Variants in PCDH15 observed in about 807,000 individuals in gnomAD.
PCDH15 encodes the protein protocadherin-15.
Under a neutral mutation model 178.5 loss-of-function variants are expected in PCDH15, and 129 were observed. That is an observed-to-expected ratio of 0.72 (90% confidence interval 0.63 to 0.84). The LOEUF (loss-of-function observed/expected upper bound fraction) is 0.84, where lower values mean the gene tolerates loss of function less well. Among genes scored for constraint, PCDH15 ranks in the 40% least tolerant of loss-of-function variants. PCDH15 has a pLI of 0.00. For synonymous variants in PCDH15, 800 were observed against 732.0 expected (o/e 1.09, Z -1.50); for missense variants, 2,230 against 2,099.9 (o/e 1.06, Z -1.21).
In PCDH15 at chr10:54,026,760, C is replaced by A. The variant is rs779756220; in HGVS notation, c.2221-3563G>T. ...AACGACACTTCATGCTAAAAACTCT[C>A]AATAAATTAGGTATTGATGGGACTT... is the stretch of plus-strand genomic sequence containing the variant. On this transcript the variant is annotated intron_variant, in intron 18 of 37. Coordinates refer to ENST00000644397, the MANE Select transcript of PCDH15 (RefSeq NM_001384140.1). Among the ~76,000 whole-genome samples, 3 of 152,282 alleles carry A rather than the reference C, an allele frequency of 2.0e-5. 1 individual carries two copies. Among genetic ancestry groups the A allele is most frequent in the Non-Finnish European group, 4.4e-5 (3 of 68,030 alleles).
At chr10:54,508,806 T>C (rs1406968743) in intron 3 of PCDH15, among the ~76,000 whole-genome samples, 3 of 152,058 alleles carry the variant, frequency 2.0e-5, no homozygotes, top group Non-Finnish European at 4.4e-5. Context: ...CTGGTACAGG[T>C]TGAGTAACCC....
At chr10:53,866,544 C>A (rs2079465589) in intron 27 of PCDH15, 98 bp downstream of exon 27, 1 of 870,486 alleles carries the variant, frequency 1.1e-6, no homozygotes, top group Admixed American at 2.0e-5. Context: ...TTTTTGAAAA[C>A]CCGTTTTAAA....
At chr10:55,427,334 T>A (rs75874983) in intron 2 of PCDH15, among the ~76,000 whole-genome samples, 1,533 of 152,236 alleles carry the variant, frequency 0.01, 33 homozygotes, top group Admixed American at 0.051. Context: ...AAGAACACAA[T>A]GTTATAAGGG....
intron 2 of PCDH15, among the ~76,000 whole-genome samples, chr10:55,570,177 G>A (rs1211905458): frequency 1.3e-5 from 2 of 151,826 alleles, no homozygotes; most frequent in African/African-American, 2.4e-5. Context: ...ATTTCATGTT[G>A]CATTTTTTGA....
rs2132340536 is a variant in PCDH15 at position 53,803,531 on chromosome 10, C to T, written c.*3048G>A. On this transcript the variant is annotated 3_prime_UTR_variant, in exon 38 of 38. Coordinates refer to ENST00000644397, the MANE Select transcript of PCDH15 (RefSeq NM_001384140.1). ...GTAAAATAACATGAATGACATATCACATATAAAATTCAAGGCAAACTTTCT... is the reference window on the plus strand; with the variant it reads ...GTAAAATAACATGAATGACATATCATATATAAAATTCAAGGCAAACTTTCT... The T allele has an allele frequency of 1.3e-5, 2 of 152,056 alleles. No individual in the cohort carries two copies. The highest frequency in any genetic ancestry group is 2.9e-5 in the Non-Finnish European group (2 of 67,898). The allele number at this position is 152,056 out of a possible 1,614,324, so 9.4% of individuals were successfully genotyped here. A position where few individuals can be genotyped will look rare whatever the true frequency, so the allele number is the denominator to read the frequency against.
At chr10:54,522,087 C>CAAAAAAAAAAAAAAAAAAAAAAAAAAAA in intron 3 of PCDH15, among the ~76,000 whole-genome samples, 1 of 58,892 alleles carries the variant, frequency 1.7e-5, no homozygotes, top group Non-Finnish European at 3.2e-5. Context: ...GAATCCATCT[C>CAAAAAAAAAAAAAAAAAAAAAAAAAAAA]AAAAAAAAAA....
Position 53,823,178 on chromosome 10 carries a change from T to G in PCDH15, c.4368-2948A>C. Reference sequence around the variant, plus strand: ...GGGCACTTAAGTCATCCTCATCAGATAGAAATGTGAATTTTCTTGCAGACT... The same window carrying G: ...GGGCACTTAAGTCATCCTCATCAGAGAGAAATGTGAATTTTCTTGCAGACT... On this transcript the variant is annotated intron_variant, in intron 32 of 37. Coordinates refer to ENST00000644397, the MANE Select transcript of PCDH15 (RefSeq NM_001384140.1). The G allele has an allele frequency of 6.2e-7, 1 of 1,614,072 alleles. No individual in the cohort carries two copies.
At chr10:54,077,142 C>T (rs2094355763) in intron 17 of PCDH15, among the ~76,000 whole-genome samples, 1 of 151,998 alleles carries the variant, frequency 6.6e-6, no homozygotes, top group Non-Finnish European at 1.5e-5. Context: ...AATCTAAATG[C>T]TTTCTACTCT....
At chr10:54,290,371 G>A (rs1345890637) in intron 8 of PCDH15, among the ~76,000 whole-genome samples, 5 of 152,154 alleles carry the variant, frequency 3.3e-5, no homozygotes, top group Non-Finnish European at 7.3e-5. Context: ...CACCAGGCCT[G>A]CCTTACAAGA....
At chr10:54,910,582 T>C (rs1200329562) in intron 2 of PCDH15, among the ~76,000 whole-genome samples, 1 of 152,118 alleles carries the variant, frequency 6.6e-6, no homozygotes, top group Non-Finnish European at 1.5e-5. Flanking sequence ...CTGTGCACAA[T>C]ATATTAATCC....
At chr10:55,425,035 A>C (rs1356914774) in intron 2 of PCDH15, among the ~76,000 whole-genome samples, 1 of 152,068 alleles carries the variant, frequency 6.6e-6, no homozygotes, top group Non-Finnish European at 1.5e-5. Flanking sequence ...AGGGGATATT[A>C]TTAAATTGAA....
intron 2 of PCDH15, among the ~76,000 whole-genome samples, chr10:55,105,764 T>G (rs1242992541): frequency 6.6e-6 from 1 of 152,118 alleles, no homozygotes; most frequent in Non-Finnish European, 1.5e-5. Flanking sequence ...TTTACCTGCA[T>G]GTGTAACAAT....
intron 18 of PCDH15, among the ~76,000 whole-genome samples, chr10:54,065,169 T>G (rs930560765): frequency 2.6e-5 from 4 of 152,176 alleles, no homozygotes; most frequent in African/African-American, 9.7e-5. Context: ...TGGCCAACAT[T>G]GCAGCTAATT....
chr10:55,303,932 C>T (rs115847474), intron 1 of PCDH15, among the ~76,000 whole-genome samples: 1,606 of 152,218 alleles, frequency 0.011, 30 homozygotes, highest in African/African-American at 0.036. Flanking sequence ...TGTTGCATAG[C>T]ATTAATTTTG....
intron 2 of PCDH15, among the ~76,000 whole-genome samples, chr10:55,381,341 A>T (rs1333715354): frequency 1.3e-5 from 2 of 152,188 alleles, no homozygotes; most frequent in Admixed American, 6.5e-5. Context: ...GAAACCAAAA[A>T]TAAATGTGGT....
intron 8 of PCDH15, among the ~76,000 whole-genome samples, chr10:54,287,644 C>T (rs1302082609): frequency 1.3e-5 from 2 of 152,008 alleles, no homozygotes; most frequent in Non-Finnish European, 2.9e-5. Flanking sequence ...TATGACAGGA[C>T]TATTTAAAGC....
chr10:55,066,295 T>A (rs916129468), intron 2 of PCDH15, among the ~76,000 whole-genome samples: 36 of 151,284 alleles, frequency 2.4e-4, no homozygotes, highest in African/African-American at 8.7e-4. Context: ...TCTACTTTTT[T>A]AAATTAATTA....
chr10:55,361,939 A>G (rs1449576711), intron 2 of PCDH15, among the ~76,000 whole-genome samples: 1 of 152,232 alleles, frequency 6.6e-6, no homozygotes, highest in Admixed American at 6.5e-5. Flanking sequence ...TACGTTTACC[A>G]TGGACCTTCT....
chr10:53,903,182 A>G (rs1395803010), intron 26 of PCDH15, 61 bp downstream of exon 26: 2 of 1,596,154 alleles, frequency 1.3e-6, no homozygotes, highest in Non-Finnish European at 1.7e-6. Flanking sequence ...ACAGGCTTAC[A>G]GCTTATCTGC....
Sources: allele counts gnomAD v4.1 joint callset (sites outside exome capture counted in the v4.1 genomes callset), GRCh38; gene constraint gnomAD v4.1.1; transcripts MANE v1.5; gene names NCBI Gene and HGNC (gene_info 2026-07-23, HGNC 2026-07-21).